Variants in GPC6 observed in about 807,000 individuals in gnomAD.
The protein encoded by GPC6 is glypican-6.
In GPC6, 14 loss-of-function variants were observed where a neutral mutation model predicts 55.2. That is an observed-to-expected ratio of 0.25 (90% CI 0.17 to 0.40). The LOEUF (loss-of-function observed/expected upper bound fraction) is 0.40, where lower values mean the gene tolerates loss of function less well. GPC6 is among the 10% of genes least tolerant of loss of function. The pLI, the probability that GPC6 is intolerant of heterozygous loss-of-function variation, is 1.00. For missense variants in GPC6, 641 were observed against 708.5 expected (o/e 0.90, Z 1.08); for synonymous variants, 278 against 259.6 (o/e 1.07, Z -0.68).
rs1261877014 is a variant in GPC6 at position 94,261,280 on chromosome 13, T to C, written c.878-25069T>C. Among the ~76,000 whole-genome samples the C allele has an allele frequency of 2.0e-5, 3 of 152,096 alleles. No homozygotes were observed. The East Asian group carries it at 5.8e-4, about 29-fold the overall frequency. On this transcript the variant is annotated intron_variant, in intron 4 of 8. Coordinates refer to ENST00000377047, the MANE Select transcript of GPC6 (RefSeq NM_005708.5). Reference sequence around the variant, plus strand: ...AAAGAGTGAAACTCTGTCTCAAAAATGCAATAATAATAAGGAAAAGGAAAG... The same window carrying C: ...AAAGAGTGAAACTCTGTCTCAAAAACGCAATAATAATAAGGAAAAGGAAAG...
At chr13:93,429,115 G>A (rs1877259618) in intron 1 of GPC6, among the ~76,000 whole-genome samples, 2 of 152,174 alleles carry the variant, frequency 1.3e-5, no homozygotes, top group East Asian at 1.9e-4. Context: ...AGATAAAAGA[G>A]GGGAAGCAAG....
At chr13:94,050,396 C>CT (rs1450120404) in intron 4 of GPC6, among the ~76,000 whole-genome samples, 1 of 152,124 alleles carries the variant, frequency 6.6e-6, no homozygotes, top group Admixed American at 6.6e-5. Flanking sequence ...TTTGAAAACT[C>CT]TATCGTGCTT....
At chr13:93,507,547 T>C (rs9516245) in intron 1 of GPC6, among the ~76,000 whole-genome samples, 18,011 of 152,240 alleles carry the variant, frequency 0.12, 1,469 homozygotes, top group Non-Finnish European at 0.17. Context: ...CTTCAGTCCA[T>C]GGAACTTCAG....
At chr13:94,209,873 T>C (rs1890023057) in intron 4 of GPC6, among the ~76,000 whole-genome samples, 1 of 152,208 alleles carries the variant, frequency 6.6e-6, no homozygotes, top group African/African-American at 2.4e-5. Flanking sequence ...TGAGAAGGGG[T>C]CCTGCTCTGT....
intron 5 of GPC6, 85 bp from the exon 6 acceptor site, chr13:94,305,895 C>A: frequency 8.1e-7 from 1 of 1,228,928 alleles, no homozygotes; most frequent in Non-Finnish European, 1.2e-6. Flanking sequence ...GAAATGTGGA[C>A]ACCATTGCAT....
At chr13:94,139,467 C>A (rs182165303) in intron 4 of GPC6, among the ~76,000 whole-genome samples, 1 of 152,182 alleles carries the variant, frequency 6.6e-6, no homozygotes, top group Non-Finnish European at 1.5e-5. Flanking sequence ...CAGATTGGGG[C>A]TCCTTGGATC....
At chr13:93,308,432 C>T (rs894792359) in intron 1 of GPC6, among the ~76,000 whole-genome samples, 2 of 152,124 alleles carry the variant, frequency 1.3e-5, no homozygotes, top group African/African-American at 4.8e-5. Flanking sequence ...ATAATTGGAT[C>T]TATAGTCATG....
chr13:93,785,010 A>G (rs74110907), intron 2 of GPC6, among the ~76,000 whole-genome samples: 4,374 of 152,270 alleles, frequency 0.029, 199 homozygotes, highest in East Asian at 0.16. Context: ...AGGAATATAT[A>G]TTTAAGAAAA....
intron 2 of GPC6, among the ~76,000 whole-genome samples, chr13:93,786,163 G>A (rs556016893): frequency 5.4e-4 from 82 of 152,230 alleles, no homozygotes; most frequent in African/African-American, 1.9e-3. Context: ...AGAAGACAGA[G>A]AGGAAGACTA....
intron 6 of GPC6, among the ~76,000 whole-genome samples, chr13:94,374,329 G>T (rs1448180988): frequency 6.6e-6 from 1 of 151,318 alleles, no homozygotes; most frequent in Non-Finnish European, 1.5e-5. Context: ...CATCTCACGT[G>T]CAGAGACCCA....
chr13:93,231,363 A>ATATATATATATACATATATATATATACG (rs1876021082), intron 1 of GPC6, among the ~76,000 whole-genome samples: 1 of 15,846 alleles, frequency 6.3e-5, no homozygotes, highest in Non-Finnish European at 1.1e-4. Context: ...ATATATACGT[A>ATATATATATATACATATATATATATACG]TATATATATA....
intron 2 of GPC6, among the ~76,000 whole-genome samples, chr13:93,720,335 A>AT (rs1167645247): frequency 6.6e-6 from 1 of 151,608 alleles, no homozygotes; most frequent in African/African-American, 2.4e-5. Context: ...TTTCTTCTAG[A>AT]TTTTCTAGTT....
chr13:93,606,418 T>C (rs563836766), intron 2 of GPC6, among the ~76,000 whole-genome samples: 30 of 152,338 alleles, frequency 2.0e-4, no homozygotes, highest in Non-Finnish European at 3.2e-4. Flanking sequence ...TATGTTCACA[T>C]TTTCCTGGGC....
At chr13:93,860,634 A>G (rs543936429) in intron 3 of GPC6, among the ~76,000 whole-genome samples, 128 of 151,712 alleles carry the variant, frequency 8.4e-4, no homozygotes, top group African/African-American at 3.0e-3. Flanking sequence ...GTTCTGTATG[A>G]TATTCTTATG....
chr13:93,918,627 G>T (rs1049118942), intron 3 of GPC6, among the ~76,000 whole-genome samples: 4 of 152,114 alleles, frequency 2.6e-5, no homozygotes, highest in East Asian at 3.9e-4. Flanking sequence ...TGTACCAACC[G>T]ATGGCCCTCT....
At chr13:93,848,342 GT>G (rs1888274371) in intron 3 of GPC6, among the ~76,000 whole-genome samples, 1 of 151,904 alleles carries the variant, frequency 6.6e-6, no homozygotes, top group Non-Finnish European at 1.5e-5. Context: ...TGTAACTTTC[GT>G]TTTGTGTTGC....
chr13:93,704,253 T>A (rs961287219), intron 2 of GPC6, among the ~76,000 whole-genome samples: 3 of 151,906 alleles, frequency 2.0e-5, no homozygotes, highest in Admixed American at 1.3e-4. Context: ...TGTACTTACA[T>A]ATTAACCAGC....
intron 2 of GPC6, among the ~76,000 whole-genome samples, chr13:93,800,699 T>G (rs887608219): frequency 6.6e-6 from 1 of 152,204 alleles, no homozygotes; most frequent in African/African-American, 2.4e-5. Flanking sequence ...TTTTTGCAAG[T>G]TATTCCATCT....
intron 2 of GPC6, among the ~76,000 whole-genome samples, chr13:93,698,003 C>T (rs1882520720): frequency 6.6e-6 from 1 of 152,118 alleles, no homozygotes; most frequent in South Asian, 2.1e-4. Context: ...CTAAAATAAT[C>T]TGATTCCTAA....
Sources: allele counts gnomAD v4.1 joint callset (sites outside exome capture counted in the v4.1 genomes callset), GRCh38; gene constraint gnomAD v4.1.1; transcripts MANE v1.5; gene names NCBI Gene and HGNC (gene_info 2026-07-23, HGNC 2026-07-21).